The following BANK1 variants were observed in gnomAD, a reference collection of about 807,000 sequenced individuals.
The protein encoded by BANK1 is B cell scaffold protein with ankyrin repeats 1.
A neutral mutation model predicts 94.5 loss-of-function variants in BANK1; 95 were observed. The observed-to-expected ratio is 1.00, with a 90% CI of 0.85 to 1.19. BANK1 has a LOEUF of 1.19. Ranked by LOEUF, BANK1 falls within the 50% of genes most tolerant of loss-of-function variation. The probability of loss-of-function intolerance (pLI) is 0.00; values close to 1 mark genes in which losing one functional copy is unlikely to be tolerated. For missense variants in BANK1, 987 were observed against 932.2 expected (o/e 1.06, Z -0.77); for synonymous variants, 334 against 308.4 (o/e 1.08, Z -0.87).
intron 7 of BANK1, among the ~76,000 whole-genome samples, chr4:101,928,633 C>T (rs1184460180): frequency 6.6e-6 from 1 of 151,674 alleles, no homozygotes; most frequent in Non-Finnish European, 1.5e-5. Flanking sequence ...AATCCATTTC[C>T]TTAATGAGAA....
chr4:102,073,121 A>G (rs762121968), intron 15 of BANK1, among the ~76,000 whole-genome samples: 6 of 151,932 alleles, frequency 3.9e-5, no homozygotes, highest in Non-Finnish European at 8.8e-5. Flanking sequence ...TTCCTTGTAT[A>G]TTTCAAATAA....
intron 1 of BANK1, among the ~76,000 whole-genome samples, chr4:101,807,806 C>A (rs572336090): frequency 1.3e-5 from 2 of 152,006 alleles, no homozygotes; most frequent in African/African-American, 4.8e-5. Context: ...CAGGGCCGGG[C>A]GTGGTGGCTC....
At chr4:101,989,431 CA>C (rs899065744) in intron 7 of BANK1, among the ~76,000 whole-genome samples, 1,312 of 31,120 alleles carry the variant, frequency 0.042, 3 homozygotes, top group African/African-American at 0.053. Flanking sequence ...GACTCCGTCT[CA>C]AAAAAAAAAA....
intron 6 of BANK1, among the ~76,000 whole-genome samples, chr4:101,900,941 A>C (rs548105964): frequency 4.3e-4 from 65 of 152,128 alleles, no homozygotes; most frequent in Non-Finnish European, 5.9e-4. Context: ...TGGGAGAGAA[A>C]TTTCCATAAA....
intron 13 of BANK1, among the ~76,000 whole-genome samples, chr4:102,069,938 T>C (rs1334478474): frequency 6.6e-6 from 1 of 152,152 alleles, no homozygotes; most frequent in African/African-American, 2.4e-5. Flanking sequence ...CTATCTGGAA[T>C]TCTAGATAAA....
chr4:101,875,300 G>T (rs1728447877), intron 5 of BANK1, among the ~76,000 whole-genome samples: 1 of 152,006 alleles, frequency 6.6e-6, no homozygotes. Flanking sequence ...AAATAAAACA[G>T]GACCAAACTC....
At chr4:101,842,844 T>C (rs1453606031) in intron 2 of BANK1, among the ~76,000 whole-genome samples, 3 of 152,252 alleles carry the variant, frequency 2.0e-5, no homozygotes, top group Non-Finnish European at 4.4e-5. Context: ...TCTCAGCTTT[T>C]ATTTGCACCT....
At chr4:102,010,384 T>C (rs1242401998) in intron 7 of BANK1, among the ~76,000 whole-genome samples, 1 of 151,624 alleles carries the variant, frequency 6.6e-6, no homozygotes, top group Non-Finnish European at 1.5e-5. Context: ...TTTAGTTTGA[T>C]TAATTTCTTT....
chr4:101,924,665 T>C lies in BANK1; in HGVS notation c.1206+6476T>C, dbSNP rs73836652. On this transcript the variant is annotated intron_variant, in intron 7 of 16. Coordinates refer to ENST00000322953, the MANE Select transcript of BANK1 (RefSeq NM_017935.5). ...ATCTGAATAGTCCTTGAACGTTTCT[T>C]ACAACTCAGACACATAAACAGATTA... is the stretch of plus-strand genomic sequence containing the variant. 3.9e-3 allele frequency among the ~76,000 whole-genome samples: 598 copies of C among 151,906 alleles called. 3 individuals carry two copies. The highest frequency in any genetic ancestry group is 0.013 in the African/African-American group (539 of 41,522).
Position 101,947,284 on chromosome 4 carries a change from A to AATAT in BANK1, c.1206+29120_1206+29123dup, listed in dbSNP as rs36202521. Among the ~76,000 whole-genome samples, 21 of 58,268 alleles carry AATAT rather than the reference A, an allele frequency of 3.6e-4. 3 individuals carry two copies. Among genetic ancestry groups the AATAT allele is most frequent in the East Asian group, 3.5e-3 (9 of 2,542 alleles). 38.2% of individuals were successfully genotyped at this position (58,268 alleles called of 152,430 possible). On this transcript the variant is annotated intron_variant, in intron 7 of 16. Transcript: ENST00000322953. Reference sequence around the variant, plus strand: ...GAGGGTTGTGTTTGAAGAAGTTGTAAATATATATATATATATATATATATA... The same window carrying AATAT: ...GAGGGTTGTGTTTGAAGAAGTTGTAAATATATATATATATATATATATATATATA...
chr4:101,906,903 G>C (rs930445474), intron 6 of BANK1, among the ~76,000 whole-genome samples: 2 of 152,144 alleles, frequency 1.3e-5, no homozygotes, highest in Non-Finnish European at 2.9e-5. Flanking sequence ...GGCACTAGAG[G>C]AATTAAAGAT....
At chr4:101,966,187 T>G (rs919184379) in intron 7 of BANK1, among the ~76,000 whole-genome samples, 2 of 152,102 alleles carry the variant, frequency 1.3e-5, no homozygotes, top group African/African-American at 4.8e-5. Context: ...CCTTAATGGC[T>G]TATGCTACTT....
chr4:101,800,902 C>T (rs919317407), intron 1 of BANK1, among the ~76,000 whole-genome samples: 12 of 152,162 alleles, frequency 7.9e-5, no homozygotes, highest in Non-Finnish European at 1.3e-4. Flanking sequence ...GGATTACAGG[C>T]GGCTGCCAAC....
chr4:101,927,088 G>A (rs530163292), intron 7 of BANK1, among the ~76,000 whole-genome samples: 1 of 151,854 alleles, frequency 6.6e-6, no homozygotes, highest in Non-Finnish European at 1.5e-5. Flanking sequence ...AGAATTGCCG[G>A]AAACTGGGTA....
At chr4:101,825,991 C>T (rs532363230) in intron 1 of BANK1, among the ~76,000 whole-genome samples, 1 of 152,076 alleles carries the variant, frequency 6.6e-6, no homozygotes, top group Non-Finnish European at 1.5e-5. Context: ...AGCCAAATAA[C>T]GTGGGAGTAT....
chr4:102,038,963 T>G (rs79088126), intron 10 of BANK1, among the ~76,000 whole-genome samples: 4 of 152,136 alleles, frequency 2.6e-5, no homozygotes, highest in Non-Finnish European at 5.9e-5. Context: ...ATACCACCAC[T>G]GAATTAGAAT....
intron 6 of BANK1, among the ~76,000 whole-genome samples, chr4:101,907,171 G>C (rs1444982534): frequency 6.6e-6 from 1 of 152,168 alleles, no homozygotes; most frequent in Admixed American, 6.6e-5. Context: ...ATTGTTTGTG[G>C]CTTAAGAATG....
intron 7 of BANK1, among the ~76,000 whole-genome samples, chr4:101,929,031 A>C (rs1258102339): frequency 6.6e-6 from 1 of 151,668 alleles, no homozygotes; most frequent in South Asian, 2.1e-4. Flanking sequence ...CAACCTGCTA[A>C]CTTTATGGTC....
chr4:101,992,411 AT>A (rs1217566696), intron 7 of BANK1, among the ~76,000 whole-genome samples: 1 of 152,142 alleles, frequency 6.6e-6, no homozygotes, highest in Non-Finnish European at 1.5e-5. Flanking sequence ...GCACAATAAT[AT>A]TTTTTTGTTC....
Sources: allele counts gnomAD v4.1 joint callset (sites outside exome capture counted in the v4.1 genomes callset), GRCh38; gene constraint gnomAD v4.1.1; transcripts MANE v1.5; gene names NCBI Gene and HGNC (gene_info 2026-07-23, HGNC 2026-07-21).